Variants in DYNC2H1 observed in about 807,000 individuals in gnomAD.
The protein encoded by DYNC2H1 is cytoplasmic dynein 2 heavy chain 1.
Under a neutral mutation model 570.0 loss-of-function variants are expected in DYNC2H1, and 410 were observed. That is an observed-to-expected ratio of 0.72 (90% CI 0.66 to 0.78). The LOEUF (loss-of-function observed/expected upper bound fraction) is 0.78, where lower values mean the gene tolerates loss of function less well. Ranked by LOEUF, DYNC2H1 falls within the 30% of genes least tolerant of loss-of-function variation. DYNC2H1 has a pLI of 0.00. For missense variants in DYNC2H1, 4,865 were observed against 5,046.4 expected (o/e 0.96, Z 1.09); for synonymous variants, 1,688 against 1,677.6 (o/e 1.01, Z -0.15).
intron 54 of DYNC2H1, among the ~76,000 whole-genome samples, chr11:103,215,106 A>G (rs909021072): frequency 1.3e-5 from 2 of 152,108 alleles, no homozygotes; most frequent in Non-Finnish European, 2.9e-5. Flanking sequence ...AAGAGGGACA[A>G]TTTGACTTCC....
chr11:103,146,434 T>C (rs1860243602), intron 18 of DYNC2H1, among the ~76,000 whole-genome samples: 2 of 152,212 alleles, frequency 1.3e-5, no homozygotes, highest in African/African-American at 2.4e-5. Context: ...AAATAATTAC[T>C]CATTTAAAAA....
intron 83 of DYNC2H1, among the ~76,000 whole-genome samples, chr11:103,365,460 A>C (rs1471494543): frequency 6.6e-6 from 1 of 152,224 alleles, no homozygotes; most frequent in Non-Finnish European, 1.5e-5. Context: ...CAGAAATTGT[A>C]ACTTTAATTC....
intron 59 of DYNC2H1, 80 bp downstream of exon 59, chr11:103,223,166 T>C (rs1863657792): frequency 7.5e-7 from 1 of 1,325,940 alleles, no homozygotes; most frequent in South Asian, 1.8e-5. Context: ...ATTATTTTTA[T>C]TTTTTCTCTA....
chr11:103,219,888 T>A lies in DYNC2H1; in HGVS notation c.8833-27T>A, dbSNP rs1415262714. On this transcript the variant is annotated intron_variant, in intron 55 of 88. Transcript: ENST00000375735. ...TTAAATATCAAGCATTAAAATTGAT[T>A]GGAATGCCACTTAAATATTCTTATA... The A allele has an allele frequency of 3.9e-6, 5 of 1,295,396 alleles. No homozygotes were observed. The African/African-American group carries it at 4.7e-5, about 12-fold the overall frequency. The allele number at this position is 1,295,396 out of a possible 1,614,324, so 80.2% of individuals were successfully genotyped here.
intron 70 of DYNC2H1, among the ~76,000 whole-genome samples, chr11:103,273,111 A>AT (rs1048950666): frequency 8.0e-5 from 12 of 149,790 alleles, no homozygotes; most frequent in Non-Finnish European, 1.2e-4. Flanking sequence ...TAATTTATTC[A>AT]TTTTTTTCTC....
intron 40 of DYNC2H1, among the ~76,000 whole-genome samples, chr11:103,183,765 A>G (rs1861948207): frequency 6.6e-6 from 1 of 151,866 alleles, no homozygotes; most frequent in Admixed American, 6.6e-5. Context: ...GAGTCTGTCT[A>G]GATTTCTTTC....
intron 9 of DYNC2H1, 112 bp downstream of exon 9, chr11:103,121,148 G>A: frequency 1.1e-6 from 1 of 897,510 alleles, no homozygotes; most frequent in Non-Finnish European, 1.6e-6. Flanking sequence ...ACATTTTCAT[G>A]CTGAAGATTA....
intron 75 of DYNC2H1, among the ~76,000 whole-genome samples, chr11:103,290,198 G>T (rs1441386760): frequency 6.6e-6 from 1 of 151,982 alleles, no homozygotes; most frequent in Admixed American, 6.6e-5. Context: ...TTTGGGTTGG[G>T]GGGAGACACA....
intron 82 of DYNC2H1, among the ~76,000 whole-genome samples, chr11:103,351,082 A>G (rs77841051): frequency 0.01 from 1,563 of 152,288 alleles, 34 homozygotes; most frequent in African/African-American, 0.034. Flanking sequence ...TGCTTTTTAA[A>G]TGATTCTGTG....
At chr11:103,147,988 A>G in intron 19 of DYNC2H1, 101 bp downstream of exon 19, 1 of 799,700 alleles carries the variant, frequency 1.3e-6, no homozygotes, top group Non-Finnish European at 1.9e-6. Flanking sequence ...TTAAAAACCA[A>G]AACTGAACTA....
Position 103,243,669 on chromosome 11 carries a change from T to G in DYNC2H1, c.9820-24T>G, listed in dbSNP as rs778794078. On this transcript the variant is annotated intron_variant, in intron 63 of 88. Transcript: ENST00000375735. The surrounding 1 kb of genome is among the most constrained non-coding windows in gnomAD (Gnocchi z 4.8). ...AAAGCTTATAATCATTAAAAAACATTACTTTTCCTTTTTTTTATACTAGAG... is the reference window on the plus strand; with the variant it reads ...AAAGCTTATAATCATTAAAAAACATGACTTTTCCTTTTTTTTATACTAGAG... 1 of 1,491,916 alleles carries G rather than the reference T, an allele frequency of 6.7e-7. No individual in the cohort carries two copies. The highest frequency in any genetic ancestry group is 9.2e-7 in the Non-Finnish European group (1 of 1,089,790). 92.4% of individuals were successfully genotyped at this position (1,491,916 alleles called of 1,614,324 possible). A position where few individuals can be genotyped will look rare whatever the true frequency, so the allele number is the denominator to read the frequency against.
intron 80 of DYNC2H1, among the ~76,000 whole-genome samples, chr11:103,318,969 A>ATT (rs1251055369): frequency 6.7e-6 from 1 of 149,684 alleles, no homozygotes; most frequent in African/African-American, 2.4e-5. Context: ...TTTGACACAG[A>ATT]TTTTTTTTTT....
chr11:103,227,981 T>C (rs964695814), intron 59 of DYNC2H1, among the ~76,000 whole-genome samples: 3 of 152,220 alleles, frequency 2.0e-5, no homozygotes, highest in Non-Finnish European at 4.4e-5. Context: ...AAGTTTGTTA[T>C]GTCTGATATA....
rs1941065774 is a variant in DYNC2H1, at chr11:103,369,708, C to G, written c.12156+11349C>G. ...CCCGGGCAACATTCGTAGACACTCA[C>G]TGCATCAGAAAGCAACCTGCTGCCT... On this transcript the variant is annotated intron_variant, in intron 83 of 88. Transcript: ENST00000375735. This position sits in a 1 kb window ranked among gnomAD's most constrained non-coding sequence, Gnocchi z 4.0. 6.6e-6 allele frequency among the ~76,000 whole-genome samples: 1 copy of G among 152,210 alleles called. No individual in the cohort carries two copies. Among genetic ancestry groups the G allele is most frequent in the Admixed American group, 6.5e-5 (1 of 15,286 alleles).
At chr11:103,196,398 A>ATACT (rs959469311) in intron 47 of DYNC2H1, among the ~76,000 whole-genome samples, 5 of 152,196 alleles carry the variant, frequency 3.3e-5, no homozygotes, top group Non-Finnish European at 5.9e-5. Flanking sequence ...GTCTTACTCA[A>ATACT]TACTTATCTC....
At chr11:103,218,852 G>A (rs1412649107) in intron 55 of DYNC2H1, among the ~76,000 whole-genome samples, 1 of 152,204 alleles carries the variant, frequency 6.6e-6, no homozygotes, top group Non-Finnish European at 1.5e-5. Flanking sequence ...ATAAATAGCA[G>A]ATATTTCTGT....
chr11:103,388,106 T>G (rs1189583012), intron 83 of DYNC2H1, among the ~76,000 whole-genome samples: 1 of 152,246 alleles, frequency 6.6e-6, no homozygotes, highest in African/African-American at 2.4e-5. Flanking sequence ...TATGGCCATT[T>G]TCACGATAAT....
At chr11:103,389,019 A>C (rs902311117) in intron 83 of DYNC2H1, among the ~76,000 whole-genome samples, 2 of 152,150 alleles carry the variant, frequency 1.3e-5, no homozygotes, top group South Asian at 2.1e-4. Flanking sequence ...GGCCTCTTAA[A>C]ATGAGTTAGG....
chr11:103,460,111 C>G (rs1761595765), intron 87 of DYNC2H1, among the ~76,000 whole-genome samples: 2 of 152,018 alleles, frequency 1.3e-5, no homozygotes, highest in Admixed American at 1.3e-4. Flanking sequence ...GCCTCAGCTT[C>G]TTGAGTAGCT....
Sources: allele counts gnomAD v4.1 joint callset (sites outside exome capture counted in the v4.1 genomes callset), GRCh38; gene constraint gnomAD v4.1.1; non-coding constraint Gnocchi (gnomAD v3.1); transcripts MANE v1.5; gene names NCBI Gene and HGNC (gene_info 2026-07-23, HGNC 2026-07-21).